Variants in FANK1 observed in about 807,000 individuals in gnomAD.
FANK1 encodes the protein fibronectin type III and ankyrin repeat domains 1.
In FANK1, 44 loss-of-function variants were observed where a neutral mutation model predicts 45.3. The observed-to-expected ratio is 0.97, with a 90% CI of 0.76 to 1.25. The LOEUF is 1.25. Among genes scored for constraint, FANK1 ranks in the 50% most tolerant of loss-of-function variants. FANK1 has a pLI of 0.00. For synonymous variants in FANK1, 149 were observed against 152.5 expected (o/e 0.98, Z 0.17); for missense variants, 391 against 424.4 (o/e 0.92, Z 0.69).
At chr10:125,955,336 A>G (rs938958959) in intron 1 of FANK1, among the ~76,000 whole-genome samples, 19 of 152,044 alleles carry the variant, frequency 1.2e-4, no homozygotes, top group Admixed American at 2.6e-4. Context: ...TTCAGCTCAT[A>G]AGTAAGAACA....
chr10:125,970,132 C>T (rs1229365681), intron 1 of FANK1, among the ~76,000 whole-genome samples: 1 of 152,222 alleles, frequency 6.6e-6, no homozygotes, highest in East Asian at 1.9e-4. Context: ...TCTCAATGAG[C>T]TGTTGGGTAC....
At chr10:125,922,405 C>T (rs1947007148) in intron 1 of FANK1, among the ~76,000 whole-genome samples, 1 of 152,214 alleles carries the variant, frequency 6.6e-6, no homozygotes, top group Non-Finnish European at 1.5e-5. Flanking sequence ...TTTCAGAGTA[C>T]TTGGATCATT....
At chr10:125,986,132 C>T (rs1951544019) in intron 2 of FANK1, among the ~76,000 whole-genome samples, 1 of 152,154 alleles carries the variant, frequency 6.6e-6, no homozygotes, top group Admixed American at 6.5e-5. Flanking sequence ...AGCTTGACTT[C>T]CAGCTCATTT....
At chr10:125,935,332 T>G (rs1469663542) in intron 1 of FANK1, among the ~76,000 whole-genome samples, 2 of 152,230 alleles carry the variant, frequency 1.3e-5, no homozygotes, top group Non-Finnish European at 2.9e-5. Context: ...CTCATAGCTT[T>G]ACATGGCACC....
At chr10:125,913,956 C>A (rs75612127) in intron 1 of FANK1, among the ~76,000 whole-genome samples, 1 of 150,694 alleles carries the variant, frequency 6.6e-6, no homozygotes, top group African/African-American at 2.4e-5. Context: ...GAAGGACTGT[C>A]GAGTAAAAAC....
rs546601658 is a variant in FANK1 at position 125,953,024 on chromosome 10, C to T, written c.14-27137C>T. 4.6e-5 allele frequency among the ~76,000 whole-genome samples: 7 copies of T among 152,252 alleles called. No homozygotes were observed. The East Asian group carries it at 9.7e-4, about 21-fold the overall frequency. The stretch of plus-strand genomic sequence containing the variant: ...GGATACTGGTCAGCCTCTGTTTCTT[C>T]GTAGTGGTTTTTAGACTTGCATGTG... On this transcript the variant is annotated intron_variant, in intron 1 of 10. Transcript: ENST00000368693.
At chr10:125,919,246 C>T (rs1174533723) in intron 1 of FANK1, among the ~76,000 whole-genome samples, 1 of 102,116 alleles carries the variant, frequency 9.8e-6, no homozygotes, top group African/African-American at 3.9e-5. Context: ...TGCTCTGTCC[C>T]GCAGGCTGGA....
intron 7 of FANK1, among the ~76,000 whole-genome samples, chr10:126,007,641 C>CACGTGCTCGTGTGT (rs1953322269): frequency 6.6e-6 from 1 of 151,760 alleles, no homozygotes; most frequent in East Asian, 1.9e-4. Flanking sequence ...TGTGTGTGTG[C>CACGTGCTCGTGTGT]GTGCACGTGC....
chr10:125,981,456 C>T (rs149263989), intron 2 of FANK1, among the ~76,000 whole-genome samples: 6,008 of 145,194 alleles, frequency 0.041, 433 homozygotes, highest in African/African-American at 0.15. Flanking sequence ...ATGATTGTGC[C>T]ACTGCACTCC....
intron 1 of FANK1, among the ~76,000 whole-genome samples, chr10:125,904,424 C>A (rs956803974): frequency 6.6e-6 from 1 of 152,096 alleles, no homozygotes; most frequent in African/African-American, 2.4e-5. Flanking sequence ...AAAAATAACA[C>A]CAACATTACA....
In FANK1 at chr10:125,995,495, G is replaced by A. The variant is rs1461769875; in HGVS notation, c.395G>A (p.Gly132Glu). The A allele has an allele frequency of 6.2e-7, 1 of 1,614,118 alleles. No individual in the cohort carries two copies. The highest frequency in any genetic ancestry group is 1.1e-5 in the South Asian group (1 of 91,078). ...DEDLLVRILQ[G>E]GRVKVDVPNK... Reference sequence around the variant, plus strand: ...GATTTGCTGGTCCGAATACTTCAAGGAGGGTGAGAGAACTCTGTCAGTTGT... The same window carrying A: ...GATTTGCTGGTCCGAATACTTCAAGAAGGGTGAGAGAACTCTGTCAGTTGT... The change falls in exon 4 of 11, where the codon GGA becomes GAA. Residue 132 changes from glycine (G) to glutamate (E), a missense_variant. Gly to Glu is a moderately conservative substitution (Grantham distance 98, BLOSUM62 -2). Coordinates refer to ENST00000368693, the MANE Select transcript of FANK1 (RefSeq NM_145235.5).
At chr10:125,999,949 T>C (rs767555637) in intron 6 of FANK1, among the ~76,000 whole-genome samples, 2 of 152,166 alleles carry the variant, frequency 1.3e-5, no homozygotes, top group African/African-American at 2.4e-5. Flanking sequence ...TTGAAAAACT[T>C]AGACTTAATA....
In FANK1 at chr10:125,980,168, G is replaced by T. The variant is rs776311911; in HGVS notation, c.21G>T (p.Met7Ile). 1 of 1,605,982 alleles carries T rather than the reference G, an allele frequency of 6.2e-7. No individual in the cohort carries two copies. Among genetic ancestry groups the T allele is most frequent in the Admixed American group, 1.7e-5 (1 of 57,954 alleles). The change falls in exon 2 of 11, where the codon ATG (methionine) becomes ATT (isoleucine). Residue 7 changes from methionine (M) to isoleucine (I), a missense_variant. Coordinates refer to ENST00000368693, the MANE Select transcript of FANK1 (RefSeq NM_145235.5). ...TGTCATTCTTTTTTTTAGAAATCATGCCACCCTCAAAGCCTCATCCACCTG... is the reference window on the plus strand; with the variant it reads ...TGTCATTCTTTTTTTTAGAAATCATTCCACCCTCAAAGCCTCATCCACCTG... MEPQKI[M>I]PPSKPHPPVV...
At chr10:125,945,452 T>C (rs1478536551) in intron 1 of FANK1, among the ~76,000 whole-genome samples, 3 of 151,966 alleles carry the variant, frequency 2.0e-5, no homozygotes, top group Admixed American at 2.0e-4. Flanking sequence ...GCGCAAGGGG[T>C]CAGGGAGTTC....
intron 1 of FANK1, among the ~76,000 whole-genome samples, chr10:125,935,107 C>G (rs1351851648): frequency 6.6e-6 from 1 of 152,194 alleles, no homozygotes; most frequent in Non-Finnish European, 1.5e-5. Flanking sequence ...TCCTCCTACT[C>G]TGATAGAGAC....
chr10:125,995,649 A>T, intron 4 of FANK1, 151 bp downstream of exon 4: 1 of 652,036 alleles, frequency 1.5e-6, no homozygotes, highest in Non-Finnish European at 2.8e-6. Flanking sequence ...GAGTTAATAA[A>T]CCACAGTTAA....
intron 1 of FANK1, among the ~76,000 whole-genome samples, chr10:125,910,041 A>T (rs1033359592): frequency 2.5e-4 from 34 of 137,248 alleles, no homozygotes; most frequent in Non-Finnish European, 5.0e-4. Flanking sequence ...GCACCAAGAT[A>T]AAAAAAAAAC....
At chr10:125,988,385 A>T (rs1475891113) in intron 2 of FANK1, among the ~76,000 whole-genome samples, 166 bp from the exon 3 acceptor site, 2 of 152,184 alleles carry the variant, frequency 1.3e-5, no homozygotes, top group Admixed American at 6.5e-5. Flanking sequence ...ATGGGGCGCC[A>T]TGTGGGACTT....
chr10:125,988,667 C>G lies in FANK1; in HGVS notation c.308C>G (p.Ser103Cys). ...GAGTACAGCCCACTCGTCTCAGTGT[C>G]TACAACCAGTGAGTATTCAGACCGT... The part of the protein sequence containing the change: ...ECEYSPLVSV[S>C]TTREPISSEH... The change falls in exon 3 of 11, where the codon TCT becomes TGT. Residue 103 changes from serine (S) to cysteine (C), a missense_variant. Physicochemically the swap from Ser to Cys is moderately radical, Grantham distance 112. Coordinates refer to ENST00000368693, the MANE Select transcript of FANK1 (RefSeq NM_145235.5). 6.2e-7 allele frequency: 1 copy of G among 1,614,188 alleles called. No individual in the cohort carries two copies. Among genetic ancestry groups the G allele is most frequent in the African/African-American group, 1.3e-5 (1 of 75,048 alleles).
Sources: allele counts gnomAD v4.1 joint callset (sites outside exome capture counted in the v4.1 genomes callset), GRCh38; gene constraint gnomAD v4.1.1; transcripts MANE v1.5; gene names NCBI Gene and HGNC (gene_info 2026-07-23, HGNC 2026-07-21).